Variants in KCNIP4 observed in about 807,000 individuals in gnomAD.
KCNIP4 encodes the protein Kv channel-interacting protein 4.
KCNIP4 carries 12 observed loss-of-function variants against 34.0 expected under a neutral mutation model. That is an observed-to-expected ratio of 0.35 (90% CI 0.23 to 0.57). The LOEUF (loss-of-function observed/expected upper bound fraction) is 0.57, where lower values mean the gene tolerates loss of function less well. KCNIP4 is among the 20% of genes least tolerant of loss of function. The pLI is 0.83. For synonymous variants in KCNIP4, 124 were observed against 102.2 expected, an observed-to-expected ratio of 1.21 and a Z score of -1.29; for missense variants, 238 against 311.7, an observed-to-expected ratio of 0.76 and a Z score of 1.78.
At chr4:21,943,401 G>A (rs1280013117) in intron 1 of KCNIP4, among the ~76,000 whole-genome samples, 1 of 152,064 alleles carries the variant, frequency 6.6e-6, no homozygotes, top group Non-Finnish European at 1.5e-5. Flanking sequence ...GGGTAAAACA[G>A]GAGATATAGC....
Position 21,375,440 on chromosome 4 carries a change from T to C in KCNIP4, c.62-492731A>G, listed in dbSNP as rs1445758311. ...GTAAACTGAGGGGCTAATAATGTAC[T>C]TACACTATAGTGGTAAAGATAACAT... On this transcript the variant is annotated intron_variant, in intron 1 of 8. Coordinates refer to ENST00000382152, the MANE Select transcript of KCNIP4 (RefSeq NM_025221.6). 2.6e-5 allele frequency among the ~76,000 whole-genome samples: 4 copies of C among 152,188 alleles called. No homozygotes were observed. The East Asian group carries it at 7.7e-4, about 29-fold the overall frequency.
chr4:20,882,624 C>A lies in KCNIP4; in HGVS notation c.147G>T (p.Ser49=). The stretch of plus-strand genomic sequence containing the variant: ...CAAACTTGCTTTGAATAGCAGGAGA[C>A]GACGTTTTGGCAGCTGAGCAGGGCA... ...KLLPCSAAKT[S]SPAIQNSVED... is the part of the protein sequence containing the mutation. The change falls in exon 2 of 9, where the codon TCG becomes TCT. Residue 49 remains serine, a synonymous_variant. Coordinates refer to ENST00000382152, the MANE Select transcript of KCNIP4 (RefSeq NM_025221.6). 1 of 1,612,666 alleles carries A rather than the reference C, an allele frequency of 6.2e-7. No individual in the cohort carries two copies.
At chr4:21,498,852 G>A (rs1350057075) in intron 1 of KCNIP4, among the ~76,000 whole-genome samples, 4 of 152,028 alleles carry the variant, frequency 2.6e-5, no homozygotes, top group South Asian at 2.1e-4. Context: ...CTTTCTCTCC[G>A]TGAAGCACAA....
chr4:21,933,748 G>T (rs938878134), intron 1 of KCNIP4, among the ~76,000 whole-genome samples: 7 of 152,072 alleles, frequency 4.6e-5, no homozygotes, highest in African/African-American at 1.7e-4. Flanking sequence ...TTGCCTCTGA[G>T]CTGCCTAAGT....
At chr4:21,584,572 A>T (rs1741473848) in intron 1 of KCNIP4, among the ~76,000 whole-genome samples, 1 of 152,110 alleles carries the variant, frequency 6.6e-6, no homozygotes, top group Non-Finnish European at 1.5e-5. Flanking sequence ...AAATTAATTG[A>T]GCACCTACAA....
chr4:21,944,269 C>T (rs978132543), intron 1 of KCNIP4, among the ~76,000 whole-genome samples: 7 of 151,836 alleles, frequency 4.6e-5, no homozygotes, highest in East Asian at 1.9e-4. Context: ...TCTGGCTGGG[C>T]GCGGTAGCTC....
At chr4:20,765,696 A>G (rs1412134906) in intron 3 of KCNIP4, among the ~76,000 whole-genome samples, 6 of 152,200 alleles carry the variant, frequency 3.9e-5, no homozygotes, top group Non-Finnish European at 8.8e-5. Context: ...ATACTTATCT[A>G]TGATGACCAT....
At chr4:20,967,451 A>C (rs1278702678) in intron 1 of KCNIP4, among the ~76,000 whole-genome samples, 1 of 152,180 alleles carries the variant, frequency 6.6e-6, no homozygotes, top group African/African-American at 2.4e-5. Context: ...TATGGAACCA[A>C]AAAAGAGCCT....
At chr4:20,950,089 T>A (rs1191833820) in intron 1 of KCNIP4, among the ~76,000 whole-genome samples, 1 of 146,494 alleles carries the variant, frequency 6.8e-6, no homozygotes, top group African/African-American at 2.5e-5. Flanking sequence ...AAAGCAATCA[T>A]GAATATCACA....
intron 1 of KCNIP4, among the ~76,000 whole-genome samples, chr4:20,981,433 T>C (rs1416140535): frequency 6.6e-6 from 1 of 152,210 alleles, no homozygotes; most frequent in East Asian, 1.9e-4. Flanking sequence ...AGGAAAAGAC[T>C]CAAGAATTCC....
At chr4:20,751,914 A>G (rs977586973) in intron 4 of KCNIP4, among the ~76,000 whole-genome samples, 1 of 152,182 alleles carries the variant, frequency 6.6e-6, no homozygotes, top group Non-Finnish European at 1.5e-5. Flanking sequence ...TGATAATAGC[A>G]TAGTGGAGTC....
At chr4:21,255,840 C>A (rs1377858050) in intron 1 of KCNIP4, among the ~76,000 whole-genome samples, 1 of 152,132 alleles carries the variant, frequency 6.6e-6, no homozygotes, top group Non-Finnish European at 1.5e-5. Context: ...CTTGAAGAAA[C>A]ATGTTGACAA....
At chr4:21,681,837 C>T (rs888726765) in intron 1 of KCNIP4, among the ~76,000 whole-genome samples, 1 of 151,800 alleles carries the variant, frequency 6.6e-6, no homozygotes, top group Non-Finnish European at 1.5e-5. Flanking sequence ...AGAGCAAAAG[C>T]AGAAGTAAGA....
chr4:21,548,214 A>C (rs957094003), intron 1 of KCNIP4, among the ~76,000 whole-genome samples: 1 of 152,108 alleles, frequency 6.6e-6, no homozygotes, highest in African/African-American at 2.4e-5. Flanking sequence ...ACTTATTCAA[A>C]AATGTTTATA....
chr4:21,023,911 G>A (rs983555170), intron 1 of KCNIP4, among the ~76,000 whole-genome samples: 89 of 152,056 alleles, frequency 5.9e-4, no homozygotes, highest in African/African-American at 2.0e-3. Flanking sequence ...AAATCACAAT[G>A]AGTTAGCACT....
intron 1 of KCNIP4, among the ~76,000 whole-genome samples, chr4:21,718,097 C>T (rs1299031536): frequency 1.3e-5 from 2 of 152,164 alleles, no homozygotes; most frequent in Non-Finnish European, 2.9e-5. Flanking sequence ...CTTCTGAGAA[C>T]ACCACATTAT....
intron 1 of KCNIP4, among the ~76,000 whole-genome samples, chr4:21,930,169 T>C (rs932072290): frequency 2.0e-5 from 3 of 152,164 alleles, no homozygotes; most frequent in Non-Finnish European, 4.4e-5. Context: ...AAAGCAGCCA[T>C]ATCCTCAAGG....
At chr4:21,094,255 A>G (rs1003946603) in intron 1 of KCNIP4, among the ~76,000 whole-genome samples, 4 of 152,184 alleles carry the variant, frequency 2.6e-5, no homozygotes, top group African/African-American at 4.8e-5. Context: ...TTTCTGCATC[A>G]AAGAAGTGAC....
At chr4:20,815,271 A>T (rs1164497923) in intron 3 of KCNIP4, among the ~76,000 whole-genome samples, 1 of 152,192 alleles carries the variant, frequency 6.6e-6, no homozygotes, top group African/African-American at 2.4e-5. Context: ...TTGATGTTCA[A>T]ATAATTAATT....
Sources: gnomAD v4.1 joint callset for allele counts (sites outside exome capture counted in the v4.1 genomes callset) on GRCh38, gnomAD v4.1.1 for gene constraint, MANE v1.5 for transcripts, NCBI Gene and HGNC (gene_info 2026-07-23, HGNC 2026-07-21) for gene names.